Variants in SLC35E2B observed in about 807,000 individuals in gnomAD.
SLC35E2B encodes the protein solute carrier family 35, member E2B.
Under a neutral mutation model 32.4 loss-of-function variants are expected in SLC35E2B, and 18 were observed. The observed-to-expected ratio is 0.56, with a 90% CI of 0.38 to 0.82. SLC35E2B has a LOEUF of 0.82. SLC35E2B is among the 40% of genes least tolerant of loss of function. SLC35E2B has a pLI of 0.00. For missense variants in SLC35E2B, 263 were observed against 469.5 expected, an observed-to-expected ratio of 0.56 and a Z score of 4.06; for synonymous variants, 132 against 209.1, an observed-to-expected ratio of 0.63 and a Z score of 3.18.
intron 2 of SLC35E2B, among the ~76,000 whole-genome samples, chr1:1,679,882 C>T (rs1034431517): frequency 3.3e-5 from 5 of 151,172 alleles, no homozygotes; most frequent in Non-Finnish European, 7.4e-5. Context: ...CCTGTAATCC[C>T]AGCACTTTGG....
rs1166646776 is a variant in SLC35E2B at position 1,684,805 on chromosome 1, A to AAAC, written c.-148+6170_-148+6171insGTT. ...ACTCCATCTCAAAAAAAAAAAAAAA[A>AAAC]AAAAAAAAACAGGACAGCCAGCGGG... On this transcript the variant is annotated intron_variant, in intron 2 of 9. Transcript: ENST00000617444. Among the ~76,000 whole-genome samples the AAAC allele has an allele frequency of 5.4e-5, 8 of 147,362 alleles. 1 individual carries two copies. In the East Asian group the frequency reaches 6.1e-4, roughly 11 times the overall value.
At chr1:1,688,857 G>A (rs1336120766) in intron 2 of SLC35E2B, among the ~76,000 whole-genome samples, 25 of 151,874 alleles carry the variant, frequency 1.6e-4, no homozygotes, top group Middle Eastern at 3.4e-3. Context: ...AGGGCTGGGC[G>A]AGTAAACAAA....
At chr1:1,666,139 G>T in intron 9 of SLC35E2B, 120 bp from the exon 10 acceptor site, 1 of 1,199,202 alleles carries the variant, frequency 8.3e-7, no homozygotes, top group Non-Finnish European at 1.1e-6. Flanking sequence ...TCAGCGTCAC[G>T]GTGACATCAG....
At chr1:1,670,211 GAGA>G in intron 6 of SLC35E2B, 60 bp from the exon 7 acceptor site, 9 of 1,271,386 alleles carry the variant, frequency 7.1e-6, no homozygotes, top group African/African-American at 1.5e-5. Context: ...ACATCAGGGG[GAGA>G]AGGTGTCTGC....
At chr1:1,681,656 G>A (rs1219578290) in intron 2 of SLC35E2B, among the ~76,000 whole-genome samples, 2 of 150,416 alleles carry the variant, frequency 1.3e-5, no homozygotes, top group South Asian at 2.1e-4. Context: ...ATAGGCATGC[G>A]CCACCAAGCC....
chr1:1,686,745 G>A (rs1282685215), intron 2 of SLC35E2B, among the ~76,000 whole-genome samples: 7 of 147,426 alleles, frequency 4.7e-5, no homozygotes, highest in Non-Finnish European at 7.5e-5. Context: ...CAGCCTGGGC[G>A]ACAGAGACTC....
intron 2 of SLC35E2B, among the ~76,000 whole-genome samples, chr1:1,689,719 G>A (rs1643996768): frequency 6.6e-6 from 1 of 151,568 alleles, no homozygotes; most frequent in Non-Finnish European, 1.5e-5. Context: ...GGGCGCAGTG[G>A]CTCATGCCTG....
At position 1,662,738 on chromosome 1, in the gene SLC35E2B, CTTAAG is replaced by C. The variant is rs1643437694; in HGVS notation, c.*3039_*3043del. 1.3e-6 allele frequency: 1 copy of C among 755,800 alleles called. No homozygotes were observed. Among genetic ancestry groups the C allele is most frequent in the African/African-American group, 1.8e-5 (1 of 55,134 alleles). 46.8% of individuals were successfully genotyped at this position (755,800 alleles called of 1,614,324 possible). A position where few individuals can be genotyped will look rare whatever the true frequency, so the allele number is the denominator to read the frequency against. On this transcript the variant is annotated 3_prime_UTR_variant, in exon 10 of 10. Coordinates refer to ENST00000617444, the MANE Select transcript of SLC35E2B (RefSeq NM_001290264.2). ...TTCCTTGAAAGAGAGCTGCAAATCT[CTTAAG>C]TATCAACGTAAAGAAGCCGATGACC...
intron 9 of SLC35E2B, among the ~76,000 whole-genome samples, chr1:1,667,308 G>T (rs1486670250): frequency 1.3e-5 from 2 of 152,076 alleles, no homozygotes; most frequent in Non-Finnish European, 2.9e-5. Context: ...AGCTACTCGG[G>T]AGGCGGAGGC....
rs1644032167 is a variant in SLC35E2B at position 1,692,783 on chromosome 1, C to T, written c.-900G>A. On this transcript the variant is annotated 5_prime_UTR_variant, in exon 1 of 10. Coordinates refer to ENST00000617444, the MANE Select transcript of SLC35E2B (RefSeq NM_001290264.2). ...CCCCCGCGGCTGCCCGTTGGTTCCG[C>T]CCGGGCCGTTCTACTCCAGGCAGAC... 1.0e-6 allele frequency: 1 copy of T among 984,522 alleles called. No homozygotes were observed. The highest frequency in any genetic ancestry group is 1.8e-5 in the African/African-American group (1 of 56,838). 61.0% of individuals were successfully genotyped at this position (984,522 alleles called of 1,614,324 possible). A position where few individuals can be genotyped will look rare whatever the true frequency, so the allele number is the denominator to read the frequency against.
intron 9 of SLC35E2B, among the ~76,000 whole-genome samples, 155 bp downstream of exon 9, chr1:1,668,172 G>A (rs962372218): frequency 2.4e-4 from 36 of 151,984 alleles, no homozygotes; most frequent in African/African-American, 7.5e-4. Flanking sequence ...ATTTCAAACA[G>A]CATGGGTATA....
chr1:1,675,736 C>T, intron 4 of SLC35E2B, 146 bp from the exon 5 acceptor site: 1 of 713,890 alleles, frequency 1.4e-6, no homozygotes, highest in Non-Finnish European at 2.1e-6. Context: ...GTGCCTGGAC[C>T]CGCTTCTGTG....
intron 2 of SLC35E2B, among the ~76,000 whole-genome samples, chr1:1,682,962 A>C (rs1344081905): frequency 6.6e-6 from 1 of 151,900 alleles, no homozygotes; most frequent in African/African-American, 2.4e-5. Context: ...CTGTAATCCC[A>C]CCTACTCAAG....
At chr1:1,680,841 C>T (rs1422446687) in intron 2 of SLC35E2B, among the ~76,000 whole-genome samples, 5 of 150,648 alleles carry the variant, frequency 3.3e-5, no homozygotes, top group African/African-American at 4.9e-5. Context: ...CTCGATCTGT[C>T]GCCCAGGCTG....
At position 1,668,489 on chromosome 1, in the gene SLC35E2B, A is replaced by G; in HGVS notation, c.835-17T>C. On this transcript the variant is annotated splice_polypyrimidine_tract_variant and intron_variant, in intron 8 of 9. Transcript: ENST00000617444. ...TGGGACGTCCTATGTGGCAAACAAA[A>G]GGGTACTCTATCGGTTTCCATTTTC... is the stretch of plus-strand genomic sequence containing the variant. 6.8e-6 allele frequency: 11 copies of G among 1,614,030 alleles called. No individual in the cohort carries two copies. The highest frequency in any genetic ancestry group is 8.5e-6 in the Non-Finnish European group (10 of 1,180,004).
At chr1:1,689,132 A>G (rs1643990655) in intron 2 of SLC35E2B, among the ~76,000 whole-genome samples, 1 of 152,078 alleles carries the variant, frequency 6.6e-6, no homozygotes, top group Admixed American at 6.6e-5. Context: ...AGATTGCACC[A>G]CTACACTCCA....
intron 2 of SLC35E2B, among the ~76,000 whole-genome samples, chr1:1,677,687 C>T (rs1261009377): frequency 4.6e-5 from 7 of 151,384 alleles, no homozygotes; most frequent in East Asian, 3.9e-4. Flanking sequence ...GGGTTTTCAC[C>T]GTGTTAGCCA....
Position 1,664,605 on chromosome 1 carries a change from C to T in SLC35E2B, c.*1177G>A, listed in dbSNP as rs1344278739. 1.2e-6 allele frequency: 1 copy of T among 816,868 alleles called. No individual in the cohort carries two copies. Among genetic ancestry groups the T allele is most frequent in the East Asian group, 1.3e-4 (1 of 8,000 alleles). The allele number at this position is 816,868 out of a possible 1,614,324, so 50.6% of individuals were successfully genotyped here. A position where few individuals can be genotyped will look rare whatever the true frequency, so the allele number is the denominator to read the frequency against. On this transcript the variant is annotated 3_prime_UTR_variant, in exon 10 of 10. Coordinates refer to ENST00000617444, the MANE Select transcript of SLC35E2B (RefSeq NM_001290264.2). ...TAGCCACTCCTCAGGCCTCCTGCGC[C>T]CTCGGGGGTGCGTGACACAGGAGGA... is the stretch of plus-strand genomic sequence containing the variant.
rs1038786381 is a variant in SLC35E2B at position 1,675,096 on chromosome 1, C to T, written c.586+367G>A. 2.0e-4 allele frequency among the ~76,000 whole-genome samples: 31 copies of T among 151,286 alleles called. 1 individual carries two copies. Among genetic ancestry groups the T allele is most frequent in the African/African-American group, 1.7e-4 (7 of 41,044 alleles). On this transcript the variant is annotated intron_variant, in intron 5 of 9. Coordinates refer to ENST00000617444, the MANE Select transcript of SLC35E2B (RefSeq NM_001290264.2). Reference sequence around the variant, plus strand: ...AGGAGGGCCCACGGACCAGGAGCCACGGCCGCCTGTGTGGTGCTGGCCGAA... The same window carrying T: ...AGGAGGGCCCACGGACCAGGAGCCATGGCCGCCTGTGTGGTGCTGGCCGAA...
Sources: gnomAD v4.1 joint callset for allele counts (sites outside exome capture counted in the v4.1 genomes callset) on GRCh38, gnomAD v4.1.1 for gene constraint, MANE v1.5 for transcripts, NCBI Gene and HGNC (gene_info 2026-07-23, HGNC 2026-07-21) for gene names.